Variants in RALB observed in about 807,000 individuals in gnomAD.
The protein encoded by RALB is ras-related protein Ral-B.
In RALB, 16 loss-of-function variants were observed where a neutral mutation model predicts 21.3. The observed-to-expected ratio is 0.75, with a 90% confidence interval of 0.51 to 1.14. The LOEUF (loss-of-function observed/expected upper bound fraction) is 1.14, where lower values mean the gene tolerates loss of function less well. RALB is among the 50% of genes most tolerant of loss of function. RALB has a pLI of 0.00. For missense variants in RALB, 161 were observed against 256.2 expected, an observed-to-expected ratio of 0.63 and a Z score of 2.54; for synonymous variants, 93 against 96.1, an observed-to-expected ratio of 0.97 and a Z score of 0.19.
At chr2:120,282,359 T>A (rs1016704839) in intron 2 of RALB, among the ~76,000 whole-genome samples, 2 of 151,920 alleles carry the variant, frequency 1.3e-5, no homozygotes, top group Admixed American at 1.3e-4. Context: ...ATACCTGTAA[T>A]CCCAGCTACT....
At chr2:120,258,189 C>T (rs1689243539) in intron 1 of RALB, among the ~76,000 whole-genome samples, 1 of 152,236 alleles carries the variant, frequency 6.6e-6, no homozygotes, top group African/African-American at 2.4e-5. Context: ...TCAAAGGTCC[C>T]AAATCCCTCA....
intron 2 of RALB, among the ~76,000 whole-genome samples, chr2:120,282,796 G>T (rs1018441704): frequency 9.9e-5 from 15 of 152,074 alleles, no homozygotes; most frequent in African/African-American, 3.6e-4. Flanking sequence ...GTTTGGGGGA[G>T]GAGTTCTAAT....
intron 3 of RALB, among the ~76,000 whole-genome samples, chr2:120,286,350 C>G (rs778080839): frequency 6.6e-6 from 1 of 152,130 alleles, no homozygotes; most frequent in African/African-American, 2.4e-5. Context: ...AACAATGAAG[C>G]TATTCCATAT....
chr2:120,283,106 G>A (rs568167161), intron 2 of RALB, among the ~76,000 whole-genome samples: 5 of 152,150 alleles, frequency 3.3e-5, no homozygotes, highest in African/African-American at 9.6e-5. Flanking sequence ...GTTCTGCCGC[G>A]TGGCCAGGTG....
At chr2:120,258,515 A>G (rs968152710) in intron 1 of RALB, among the ~76,000 whole-genome samples, 2 of 152,218 alleles carry the variant, frequency 1.3e-5, no homozygotes, top group African/African-American at 4.8e-5. Flanking sequence ...GCTGCCGCTC[A>G]TGGTGAGCCT....
rs534293389 is a variant in RALB at position 120,287,852 on chromosome 2, G to T, written c.324-1728G>T. 5.0e-4 allele frequency among the ~76,000 whole-genome samples: 76 copies of T among 152,336 alleles called. 1 individual carries two copies. Among genetic ancestry groups the T allele is most frequent in the Admixed American group, 9.2e-4 (14 of 15,300 alleles). Reference sequence around the variant, plus strand: ...GACCTCTGCGTAGGTTTCTCATGTTGTTGGGAACAGAAGAATGCAGGTCAA... The same window carrying T: ...GACCTCTGCGTAGGTTTCTCATGTTTTTGGGAACAGAAGAATGCAGGTCAA... On this transcript the variant is annotated intron_variant, in intron 3 of 4. Coordinates refer to ENST00000272519, the MANE Select transcript of RALB (RefSeq NM_002881.3).
chr2:120,292,352 CCTT>C (rs147778476), intron 4 of RALB, among the ~76,000 whole-genome samples: 3 of 152,280 alleles, frequency 2.0e-5, no homozygotes, highest in Non-Finnish European at 4.4e-5. Flanking sequence ...TTTACGCCCT[CCTT>C]CTCCCATCCT....
intron 1 of RALB, among the ~76,000 whole-genome samples, chr2:120,246,616 T>C (rs1470451025): frequency 3.3e-5 from 5 of 152,246 alleles, no homozygotes; most frequent in Admixed American, 2.6e-4. Context: ...GCTAGCGTCA[T>C]GTGCATCTGC....
At chr2:120,282,361 C>A (rs1375123529) in intron 2 of RALB, among the ~76,000 whole-genome samples, 1 of 151,894 alleles carries the variant, frequency 6.6e-6, no homozygotes, top group Non-Finnish European at 1.5e-5. Context: ...ACCTGTAATC[C>A]CAGCTACTTG....
intron 1 of RALB, among the ~76,000 whole-genome samples, chr2:120,275,382 T>C (rs1049346624): frequency 8.5e-5 from 13 of 152,200 alleles, no homozygotes; most frequent in Non-Finnish European, 1.8e-4. Flanking sequence ...TCTCTCCTGT[T>C]TGGGGATCCT....
At chr2:120,253,102 C>G (rs1185502131) in intron 1 of RALB, 122 bp downstream of exon 1, 3 of 684,812 alleles carry the variant, frequency 4.4e-6, no homozygotes, top group Non-Finnish European at 3.6e-6. Flanking sequence ...GGCGGCAGGA[C>G]ATGTCGCGCC....
Position 120,240,227 on chromosome 2 carries a change from A to C in RALB, c.19+102A>C, listed in dbSNP as rs547821442. On this transcript the variant is annotated intron_variant, in intron 1 of 3. Transcript: ENST00000447591. Reference sequence around the variant, plus strand: ...TTTGCCAAAGGAAGCTCAGAGAGGTAAACAGACTTGCCTGGGGTCACACAG... The same window carrying C: ...TTTGCCAAAGGAAGCTCAGAGAGGTCAACAGACTTGCCTGGGGTCACACAG... 401 of 1,129,318 alleles carry C rather than the reference A, an allele frequency of 3.6e-4. 3 individuals carry two copies. In the South Asian group the frequency reaches 4.9e-3, roughly 14 times the overall value. 70.0% of individuals were successfully genotyped at this position (1,129,318 alleles called of 1,614,324 possible).
intron 4 of RALB, among the ~76,000 whole-genome samples, chr2:120,290,057 G>C (rs1573360717): frequency 1.3e-5 from 2 of 152,252 alleles, no homozygotes; most frequent in African/African-American, 4.8e-5. Flanking sequence ...AGGCTGGAGT[G>C]GTGTGATCTC....
intron 1 of RALB, among the ~76,000 whole-genome samples, chr2:120,266,308 G>A (rs1334676928): frequency 1.3e-5 from 2 of 152,120 alleles, no homozygotes; most frequent in Non-Finnish European, 1.5e-5. Context: ...GCAGTGGCGC[G>A]ATCTCGGCTC....
intron 1 of RALB, chr2:120,240,250 C>A: frequency 1.3e-6 from 1 of 785,904 alleles, no homozygotes; most frequent in Non-Finnish European, 1.8e-6. Flanking sequence ...TGGGGTCACA[C>A]AGCATGTACT....
chr2:120,293,417 G>T lies in RALB; in HGVS notation c.*157G>T. 1.5e-6 allele frequency: 1 copy of T among 683,298 alleles called. No homozygotes were observed. Among genetic ancestry groups the T allele is most frequent in the Non-Finnish European group, 2.1e-6 (1 of 471,954 alleles). 42.3% of individuals were successfully genotyped at this position (683,298 alleles called of 1,614,324 possible). A position where few individuals can be genotyped will look rare whatever the true frequency, so the allele number is the denominator to read the frequency against. On this transcript the variant is annotated 3_prime_UTR_variant, in exon 5 of 5. Transcript: ENST00000272519. Reference sequence around the variant, plus strand: ...GGGGAAAAATATTTGTGACTCTGTGGCTGGCAGAAGAAATAAGCCCATGCA... The same window carrying T: ...GGGGAAAAATATTTGTGACTCTGTGTCTGGCAGAAGAAATAAGCCCATGCA...
chr2:120,282,519 T>C (rs1690014455), intron 2 of RALB, among the ~76,000 whole-genome samples: 1 of 118,444 alleles, frequency 8.4e-6, no homozygotes, highest in Non-Finnish European at 1.6e-5. Context: ...CTGAGGAGAC[T>C]AGGAGAGCCT....
chr2:120,244,216 A>G (rs1268342982), intron 1 of RALB, among the ~76,000 whole-genome samples: 2 of 152,206 alleles, frequency 1.3e-5, no homozygotes, highest in South Asian at 2.1e-4. Flanking sequence ...CTCAACCCCA[A>G]TATGGAGATT....
chr2:120,278,881 G>A (rs1689914483), intron 2 of RALB, 103 bp downstream of exon 2: 20 of 1,126,990 alleles, frequency 1.8e-5, no homozygotes, highest in Non-Finnish European at 2.3e-5. Flanking sequence ...AGGGGTTCAC[G>A]GAGCAAGTCT....
Sources: gnomAD v4.1 joint callset for allele counts (sites outside exome capture counted in the v4.1 genomes callset) on GRCh38, gnomAD v4.1.1 for gene constraint, MANE v1.5 for transcripts, NCBI Gene and HGNC (gene_info 2026-07-23, HGNC 2026-07-21) for gene names.